SGCZ: variants seen among roughly 807,000 people sequenced by gnomAD.
The protein encoded by SGCZ is zeta-sarcoglycan.
SGCZ carries 40 observed loss-of-function variants against 41.3 expected under a neutral mutation model. The ratio of observed to expected loss-of-function variants is 0.97; its 90% CI spans 0.75 to 1.26. SGCZ has a LOEUF of 1.26. Among genes scored for constraint, SGCZ ranks in the 50% most tolerant of loss-of-function variants. The probability of loss-of-function intolerance (pLI) is 0.00; values close to 1 mark genes in which losing one functional copy is unlikely to be tolerated. For missense variants in SGCZ, 552 were observed against 369.8 expected (o/e 1.49, Z -4.04); for synonymous variants, 206 against 137.5 (o/e 1.50, Z -3.49).
At chr8:14,669,451 G>A (rs1808030786) in intron 1 of SGCZ, among the ~76,000 whole-genome samples, 1 of 152,070 alleles carries the variant, frequency 6.6e-6, no homozygotes. Flanking sequence ...CTAAAAGTTT[G>A]TATCCTTTGA....
chr8:14,800,986 G>A (rs1384001115), intron 1 of SGCZ, among the ~76,000 whole-genome samples: 3 of 152,102 alleles, frequency 2.0e-5, no homozygotes, highest in Non-Finnish European at 2.9e-5. Context: ...CAAGAACAAA[G>A]GAAACTAGCT....
At chr8:15,203,236 G>C (rs1800953805) in intron 1 of SGCZ, among the ~76,000 whole-genome samples, 1 of 152,036 alleles carries the variant, frequency 6.6e-6, no homozygotes, top group Non-Finnish European at 1.5e-5. Flanking sequence ...AGTCATATTT[G>C]CTTATTGTAA....
chr8:15,062,643 G>C (rs1052655483), intron 1 of SGCZ, among the ~76,000 whole-genome samples: 2 of 152,100 alleles, frequency 1.3e-5, no homozygotes, highest in African/African-American at 4.8e-5. Context: ...TAGAACATTT[G>C]CAACCTAACA....
Position 14,459,696 on chromosome 8 carries a change from T to C in SGCZ, c.234+95036A>G, listed in dbSNP as rs573298233. Among the ~76,000 whole-genome samples, 50 of 152,216 alleles carry C rather than the reference T, an allele frequency of 3.3e-4. 1 individual carries two copies. Among genetic ancestry groups the C allele is most frequent in the African/African-American group, 1.2e-3 (48 of 41,542 alleles). On this transcript the variant is annotated intron_variant, in intron 2 of 7. Transcript: ENST00000382080. ...AGGAAGTAATGATGCTTAACAACAC[T>C]AGTAATAAAACATGTATATTTTGTA...
intron 1 of SGCZ, among the ~76,000 whole-genome samples, chr8:14,725,885 A>G (rs1203018285): frequency 4.6e-5 from 7 of 152,218 alleles, no homozygotes; most frequent in South Asian, 2.1e-4. Flanking sequence ...AAAAAAGTAG[A>G]TATGTTACAA....
At chr8:14,562,232 T>C (rs1804227301) in intron 1 of SGCZ, among the ~76,000 whole-genome samples, 1 of 152,156 alleles carries the variant, frequency 6.6e-6, no homozygotes, top group Non-Finnish European at 1.5e-5. Context: ...AGTATTTTTA[T>C]ATAAGTATTC....
At chr8:14,686,257 C>G (rs1169635650) in intron 1 of SGCZ, among the ~76,000 whole-genome samples, 2 of 151,830 alleles carry the variant, frequency 1.3e-5, no homozygotes, top group East Asian at 3.9e-4. Flanking sequence ...AAAGGATATC[C>G]AAATGAATAA....
intron 2 of SGCZ, among the ~76,000 whole-genome samples, chr8:14,540,644 G>T (rs1343852217): frequency 1.3e-5 from 2 of 151,560 alleles, no homozygotes; most frequent in Non-Finnish European, 2.9e-5. Flanking sequence ...TAACTACTTT[G>T]ATTAATTTCA....
chr8:14,825,226 A>G (rs1447265751), intron 1 of SGCZ, among the ~76,000 whole-genome samples: 1 of 152,206 alleles, frequency 6.6e-6, no homozygotes, highest in Non-Finnish European at 1.5e-5. Flanking sequence ...AAAACCTTTT[A>G]TAGCTTCCCA....
intron 1 of SGCZ, among the ~76,000 whole-genome samples, chr8:14,934,440 A>T (rs1800019484): frequency 1.3e-5 from 2 of 151,994 alleles, no homozygotes; most frequent in South Asian, 4.1e-4. Context: ...ACTTCTAGTA[A>T]TGAAAAAGTA....
intron 1 of SGCZ, among the ~76,000 whole-genome samples, chr8:14,630,430 T>A (rs182273907): frequency 3.9e-4 from 59 of 152,152 alleles, no homozygotes; most frequent in African/African-American, 1.3e-3. Flanking sequence ...GGTGAGACTG[T>A]AAACTAGTTC....
intron 2 of SGCZ, among the ~76,000 whole-genome samples, chr8:14,489,519 G>A (rs1801779346): frequency 6.6e-6 from 1 of 151,900 alleles, no homozygotes; most frequent in Non-Finnish European, 1.5e-5. Context: ...GGATGTAAAT[G>A]GCAGTAAAGG....
intron 1 of SGCZ, among the ~76,000 whole-genome samples, chr8:14,693,479 A>G (rs1205039035): frequency 1.3e-5 from 2 of 151,214 alleles, no homozygotes; most frequent in Admixed American, 6.6e-5. Flanking sequence ...TTTAGTAGAG[A>G]CAGGGTTTCA....
At chr8:14,715,925 A>T (rs1809674938) in intron 1 of SGCZ, among the ~76,000 whole-genome samples, 1 of 152,160 alleles carries the variant, frequency 6.6e-6, no homozygotes, top group African/African-American at 2.4e-5. Context: ...AAATAAAGAT[A>T]TCAGTATATA....
intron 1 of SGCZ, among the ~76,000 whole-genome samples, chr8:14,956,231 A>C (rs1585411068): frequency 6.6e-6 from 1 of 151,558 alleles, no homozygotes; most frequent in African/African-American, 2.4e-5. Context: ...GTAGAGATGG[A>C]GTTTCACCCT....
intron 2 of SGCZ, among the ~76,000 whole-genome samples, chr8:14,407,884 C>A (rs866659309): frequency 1.3e-5 from 2 of 152,270 alleles, no homozygotes; most frequent in Middle Eastern, 3.4e-3. Context: ...TGAATGCTGG[C>A]TGTCAGGAGA....
At chr8:14,382,150 C>A (rs1250351534) in intron 2 of SGCZ, among the ~76,000 whole-genome samples, 1 of 134,514 alleles carries the variant, frequency 7.4e-6, no homozygotes, top group African/African-American at 2.9e-5. Flanking sequence ...GTTTGTGGAA[C>A]AAATTTTTTC....
chr8:14,798,895 G>A (rs912774903), intron 1 of SGCZ, among the ~76,000 whole-genome samples: 2 of 150,178 alleles, frequency 1.3e-5, no homozygotes, highest in Admixed American at 6.6e-5. Flanking sequence ...TTTTTAATAT[G>A]TTACATAATT....
intron 2 of SGCZ, among the ~76,000 whole-genome samples, chr8:14,507,740 C>T (rs1802345710): frequency 1.4e-5 from 2 of 141,368 alleles, no homozygotes; most frequent in Non-Finnish European, 3.0e-5. Flanking sequence ...TTCTACATTG[C>T]TGTTTTTGTT....
Sources: allele counts gnomAD v4.1 joint callset (sites outside exome capture counted in the v4.1 genomes callset), GRCh38; gene constraint gnomAD v4.1.1; transcripts MANE v1.5; gene names NCBI Gene and HGNC (gene_info 2026-07-23, HGNC 2026-07-21).